TRPM7: variants seen among roughly 807,000 people sequenced by gnomAD.
TRPM7 encodes the protein transient receptor potential cation channel subfamily M member 7, also known as LTRPC ion channel family member 7.
In TRPM7, 134 loss-of-function variants were observed where a neutral mutation model predicts 229.7. The ratio of observed to expected loss-of-function variants is 0.58; its 90% CI spans 0.51 to 0.67. The LOEUF is 0.67. Among genes scored for constraint, TRPM7 ranks in the 30% least tolerant of loss-of-function variants. The pLI, the probability that TRPM7 is intolerant of heterozygous loss-of-function variation, is 0.00. For synonymous variants in TRPM7, 699 were observed against 715.2 expected (o/e 0.98, Z 0.36); for missense variants, 1,901 against 2,210.0 (o/e 0.86, Z 2.80).
rs1471056205 is a variant in TRPM7, at chr15:50,559,531, C to T, written c.*2147G>A. On this transcript the variant is annotated 3_prime_UTR_variant, in exon 39 of 39. Transcript: ENST00000646667. ...CAAAACAAAACAAAACAAAACAAAA[C>T]AAAAACAGTATAGATGAAAGGCAGC... The T allele has an allele frequency of 7.4e-6, 1 of 135,442 alleles. No homozygotes were observed. The highest frequency in any genetic ancestry group is 2.3e-4 in the East Asian group (1 of 4,368). 8.4% of individuals were successfully genotyped at this position (135,442 alleles called of 1,614,324 possible). A position where few individuals can be genotyped will look rare whatever the true frequency, so the allele number is the denominator to read the frequency against.
intron 11 of TRPM7, among the ~76,000 whole-genome samples, chr15:50,625,271 C>T (rs556039545): frequency 6.6e-6 from 1 of 152,048 alleles, no homozygotes; most frequent in Non-Finnish European, 1.5e-5. Context: ...GGTTTTTTTA[C>T]CCATTATTTT....
intron 13 of TRPM7, among the ~76,000 whole-genome samples, chr15:50,618,613 A>G (rs1235170935): frequency 2.1e-5 from 2 of 93,218 alleles, no homozygotes; most frequent in East Asian, 4.9e-4. Context: ...ATAAATAAAT[A>G]AACGTATGTT....
At chr15:50,649,069 AG>A (rs1030545993) in intron 3 of TRPM7, among the ~76,000 whole-genome samples, 184 bp from the exon 4 acceptor site, 2 of 152,196 alleles carry the variant, frequency 1.3e-5, no homozygotes, top group Non-Finnish European at 2.9e-5. Flanking sequence ...GCACTGAAAT[AG>A]TATAATTAGT....
intron 1 of TRPM7, among the ~76,000 whole-genome samples, chr15:50,672,845 G>C (rs1375149482): frequency 1.4e-5 from 2 of 139,148 alleles, no homozygotes; most frequent in East Asian, 4.3e-4. Flanking sequence ...GGGAAGCAGA[G>C]GTTGCAGTGA....
intron 7 of TRPM7, among the ~76,000 whole-genome samples, chr15:50,635,318 TAAAAAAAAAAA>T (rs71124393): frequency 1.9e-4 from 8 of 42,916 alleles, no homozygotes; most frequent in African/African-American, 3.8e-4. Context: ...CTCCCTCACA[TAAAAAAAAAAA>T]AAAAAAAAAA....
chr15:50,583,011 A>G, intron 29 of TRPM7, 78 bp downstream of exon 29: 1 of 1,103,342 alleles, frequency 9.1e-7, no homozygotes, highest in East Asian at 3.0e-5. Flanking sequence ...AGTCCCAAAT[A>G]TCACCACTTT....
chr15:50,685,254 G>A (rs2062331789), intron 1 of TRPM7, among the ~76,000 whole-genome samples: 2 of 152,216 alleles, frequency 1.3e-5, no homozygotes, highest in Admixed American at 1.3e-4. Context: ...CCTGAGGTCA[G>A]GAATTAAGAG....
At chr15:50,678,509 A>G (rs2062151896) in intron 1 of TRPM7, among the ~76,000 whole-genome samples, 2 of 19,922 alleles carry the variant, frequency 1.0e-4, no homozygotes, top group Non-Finnish European at 5.1e-4. Context: ...CATTCTTTAA[A>G]AAAAAAAAAT....
At chr15:50,595,149 G>A (rs111857963) in intron 23 of TRPM7, among the ~76,000 whole-genome samples, 11 of 152,040 alleles carry the variant, frequency 7.2e-5, no homozygotes, top group African/African-American at 2.7e-4. Flanking sequence ...GCTACAGTGA[G>A]CTGTGATAGT....
intron 7 of TRPM7, among the ~76,000 whole-genome samples, chr15:50,636,080 A>C (rs552815461): frequency 4.7e-5 from 7 of 150,502 alleles, no homozygotes; most frequent in Non-Finnish European, 8.9e-5. Flanking sequence ...AAGAGCAACA[A>C]CAGATAAAAT....
At chr15:50,669,735 C>G (rs2061950290) in intron 1 of TRPM7, among the ~76,000 whole-genome samples, 1 of 152,030 alleles carries the variant, frequency 6.6e-6, no homozygotes, top group Non-Finnish European at 1.5e-5. Context: ...TTTAGGCTGA[C>G]CTTGCTTTCT....
At chr15:50,655,447 A>C (rs1025689779) in intron 3 of TRPM7, among the ~76,000 whole-genome samples, 4 of 132,020 alleles carry the variant, frequency 3.0e-5, no homozygotes, top group East Asian at 3.9e-4. Flanking sequence ...GAAAAAAAAA[A>C]CAAAAAAACA....
chr15:50,662,633 T>C (rs1165654380), intron 2 of TRPM7, among the ~76,000 whole-genome samples: 5 of 152,184 alleles, frequency 3.3e-5, no homozygotes, highest in African/African-American at 1.2e-4. Flanking sequence ...CAAATTTAAG[T>C]TCCCAATATC....
chr15:50,661,115 G>A (rs2061711342), intron 2 of TRPM7, among the ~76,000 whole-genome samples: 1 of 151,830 alleles, frequency 6.6e-6, no homozygotes, highest in Admixed American at 6.6e-5. Flanking sequence ...TAGCTGGGAT[G>A]ACAGGTGCCC....
At chr15:50,647,175 G>A (rs2061293209) in intron 4 of TRPM7, among the ~76,000 whole-genome samples, 1 of 152,084 alleles carries the variant, frequency 6.6e-6, no homozygotes, top group Admixed American at 6.6e-5. Flanking sequence ...CTGTCACCCA[G>A]GCTGGAGTGC....
chr15:50,638,684 G>GTATGTATGTATA (rs2060997053), intron 6 of TRPM7, among the ~76,000 whole-genome samples: 1 of 151,968 alleles, frequency 6.6e-6, no homozygotes, highest in African/African-American at 2.4e-5. Context: ...TTGTATGTAT[G>GTATGTATGTATA]TATGTATGTA....
intron 3 of TRPM7, among the ~76,000 whole-genome samples, chr15:50,655,556 C>T (rs1473725141): frequency 1.3e-5 from 2 of 151,476 alleles, no homozygotes; most frequent in African/African-American, 2.4e-5. Flanking sequence ...TATAGACATG[C>T]TGCTGAAAAC....
chr15:50,648,729 T>A lies in TRPM7; in HGVS notation c.279A>T (p.Gly93=), dbSNP rs892804152. The part of the protein sequence containing the change: ...HTEQSPTDAY[G]VINFQGGSHS... ...GAGAACCCCCTTGAAAATTTATGAC[T>A]CCATAAGCATCCGTTGGGCTCTGTT... The change falls in exon 4 of 39, where the codon GGA becomes GGT. Residue 93 remains glycine, a synonymous_variant. Coordinates refer to ENST00000646667, the MANE Select transcript of TRPM7 (RefSeq NM_017672.6). 1.9e-6 allele frequency: 3 copies of A among 1,612,584 alleles called. No individual in the cohort carries two copies. The highest frequency in any genetic ancestry group is 1.7e-6 in the Non-Finnish European group (2 of 1,179,208).
chr15:50,625,542 A>T (rs1477499652), intron 11 of TRPM7, among the ~76,000 whole-genome samples: 2 of 151,994 alleles, frequency 1.3e-5, no homozygotes, highest in Non-Finnish European at 2.9e-5. Flanking sequence ...CCACGTAGCT[A>T]AGAACTACAG....
Sources: gnomAD v4.1 joint callset for allele counts (sites outside exome capture counted in the v4.1 genomes callset) on GRCh38, gnomAD v4.1.1 for gene constraint, MANE v1.5 for transcripts, NCBI Gene and HGNC (gene_info 2026-07-23, HGNC 2026-07-21) for gene names.